MGLL: variants seen among roughly 807,000 people sequenced by gnomAD.
The protein encoded by MGLL is monoglyceride lipase, also known as lysophospholipase homolog.
A neutral mutation model predicts 29.1 loss-of-function variants in MGLL; 7 were observed. The observed-to-expected ratio is 0.24, with a 90% CI of 0.14 to 0.45. The LOEUF is 0.45. Ranked by LOEUF, MGLL falls within the 20% of genes least tolerant of loss-of-function variation. MGLL has a pLI of 0.99. For missense variants in MGLL, 356 were observed against 413.6 expected, an observed-to-expected ratio of 0.86 and a Z score of 1.21; for synonymous variants, 148 against 168.3, an observed-to-expected ratio of 0.88 and a Z score of 0.93.
chr3:127,705,733 G>A (rs759994816), intron 6 of MGLL, among the ~76,000 whole-genome samples: 9 of 147,516 alleles, frequency 6.1e-5, no homozygotes, highest in Non-Finnish European at 8.9e-5. Context: ...CCAAGATCGC[G>A]CCACTGCACT....
intron 3 of MGLL, among the ~76,000 whole-genome samples, chr3:127,730,009 A>T (rs2076119740): frequency 6.6e-6 from 1 of 152,224 alleles, no homozygotes. Context: ...GCTTGCAAAT[A>T]ATTGGCTCTC....
chr3:127,723,568 T>G (rs1333665902), intron 3 of MGLL, among the ~76,000 whole-genome samples: 1 of 151,820 alleles, frequency 6.6e-6, no homozygotes, highest in Non-Finnish European at 1.5e-5. Context: ...CCCCACGGTC[T>G]GTCTGACCAT....
intron 3 of MGLL, 39 bp from the exon 4 acceptor site, chr3:127,722,605 C>G: frequency 1.9e-6 from 3 of 1,614,076 alleles, no homozygotes; most frequent in Non-Finnish European, 2.5e-6. Flanking sequence ...CTGCAGTTAC[C>G]AGGTCGACTC....
intron 3 of MGLL, among the ~76,000 whole-genome samples, chr3:127,730,869 C>G (rs1015738688): frequency 6.6e-6 from 1 of 152,126 alleles, no homozygotes; most frequent in African/African-American, 2.4e-5. Flanking sequence ...TTTGTGTGGA[C>G]TTGGGGAGGG....
chr3:127,806,016 G>C (rs1205868020), intron 2 of MGLL, among the ~76,000 whole-genome samples: 1 of 152,248 alleles, frequency 6.6e-6, no homozygotes, highest in Non-Finnish European at 1.5e-5. Flanking sequence ...AGATCAGCAG[G>C]CTGTCTCCCC....
chr3:127,822,144 A>T, intron 1 of MGLL, 165 bp downstream of exon 1: 1 of 768,824 alleles, frequency 1.3e-6, no homozygotes, highest in Non-Finnish European at 2.1e-6. Flanking sequence ...TTTTAGCTGT[A>T]ATCAAGTGGA....
intron 2 of MGLL, among the ~76,000 whole-genome samples, chr3:127,790,104 T>C (rs781072051): frequency 6.6e-6 from 1 of 152,210 alleles, no homozygotes; most frequent in Non-Finnish European, 1.5e-5. Flanking sequence ...ATCTGATTCT[T>C]TGGACTTGAA....
At chr3:127,773,547 A>C (rs1312619364) in intron 3 of MGLL, among the ~76,000 whole-genome samples, 3 of 152,234 alleles carry the variant, frequency 2.0e-5, no homozygotes, top group Non-Finnish European at 4.4e-5. Flanking sequence ...GGGTGGACAC[A>C]GGCTGTGCCG....
chr3:127,788,595 C>T (rs1284404546), intron 2 of MGLL, among the ~76,000 whole-genome samples: 1 of 152,146 alleles, frequency 6.6e-6, no homozygotes, highest in African/African-American at 2.4e-5. Context: ...CAGGGAAAGA[C>T]GTGTGGTTCC....
intron 3 of MGLL, among the ~76,000 whole-genome samples, chr3:127,765,029 C>T (rs1368659088): frequency 1.3e-5 from 2 of 151,956 alleles, no homozygotes; most frequent in African/African-American, 4.8e-5. Context: ...GCCTTTCAGA[C>T]AACAAGGACC....
intron 3 of MGLL, among the ~76,000 whole-genome samples, chr3:127,777,779 T>A (rs1019566293): frequency 1.3e-5 from 2 of 150,184 alleles, no homozygotes; most frequent in African/African-American, 4.9e-5. Flanking sequence ...TGCTTGAATA[T>A]ACAGCCACAC....
At chr3:127,712,326 C>T (rs1250588560) in intron 5 of MGLL, 2 of 152,286 alleles carry the variant, frequency 1.3e-5, no homozygotes. Context: ...CAGGGCTAAA[C>T]CTTCCTGTGT....
intron 3 of MGLL, among the ~76,000 whole-genome samples, chr3:127,746,781 T>C (rs944521932): frequency 6.6e-6 from 1 of 152,180 alleles, no homozygotes; most frequent in Admixed American, 6.5e-5. Flanking sequence ...TTCCCTGGCC[T>C]TCCAGCCCTT....
At chr3:127,741,911 A>G (rs1432208860) in intron 3 of MGLL, among the ~76,000 whole-genome samples, 4 of 152,036 alleles carry the variant, frequency 2.6e-5, no homozygotes, top group Admixed American at 2.6e-4. Flanking sequence ...CTCATGACTT[A>G]CACTGACTGT....
chr3:127,787,411 C>T (rs1436422831), intron 2 of MGLL, among the ~76,000 whole-genome samples: 2 of 152,196 alleles, frequency 1.3e-5, no homozygotes, highest in South Asian at 2.1e-4. Flanking sequence ...CCCTAGAGCA[C>T]GTGGAACGGC....
intron 3 of MGLL, among the ~76,000 whole-genome samples, chr3:127,758,450 T>C (rs1446442476): frequency 6.6e-6 from 1 of 152,222 alleles, no homozygotes; most frequent in Non-Finnish European, 1.5e-5. Flanking sequence ...ACTGAACGAA[T>C]GAATAAATAC....
At chr3:127,756,814 A>C (rs1173618741) in intron 3 of MGLL, among the ~76,000 whole-genome samples, 1 of 152,220 alleles carries the variant, frequency 6.6e-6, no homozygotes, top group Non-Finnish European at 1.5e-5. Flanking sequence ...CATATAAATA[A>C]GAAAAAAGTG....
rs138004216 is a variant in MGLL at position 127,775,524 on chromosome 3, G to T, written c.262+6265C>A. ...GGACCCACCCGCCAAGGAGAACCAC[G>T]CGTAACTGCCGCCCACAGACATTCC... On this transcript the variant is annotated intron_variant, in intron 3 of 7. Transcript: ENST00000265052. Among the ~76,000 whole-genome samples, 8 of 152,022 alleles carry T rather than the reference G, an allele frequency of 5.3e-5. No individual in the cohort carries two copies. In the East Asian group the frequency reaches 1.2e-3, roughly 22 times the overall value.
At chr3:127,742,074 T>C (rs1302584073) in intron 3 of MGLL, among the ~76,000 whole-genome samples, 1 of 152,240 alleles carries the variant, frequency 6.6e-6, no homozygotes, top group Non-Finnish European at 1.5e-5. Context: ...CAAAATGGGA[T>C]TTCTAGATCA....
Sources: gnomAD v4.1 joint callset for allele counts (sites outside exome capture counted in the v4.1 genomes callset) on GRCh38, gnomAD v4.1.1 for gene constraint, MANE v1.5 for transcripts, NCBI Gene and HGNC (gene_info 2026-07-23, HGNC 2026-07-21) for gene names.